The following KIAA1217 variants were observed in gnomAD, a reference collection of about 807,000 sequenced individuals.
KIAA1217 encodes the protein sickle tail protein homolog.
KIAA1217 carries 88 observed loss-of-function variants against 163.9 expected under a neutral mutation model. That is an observed-to-expected ratio of 0.54 (90% CI 0.45 to 0.64). The LOEUF (loss-of-function observed/expected upper bound fraction) is 0.64, where lower values mean the gene tolerates loss of function less well. Among genes scored for constraint, KIAA1217 ranks in the 30% least tolerant of loss-of-function variants. The pLI, the probability that KIAA1217 is intolerant of heterozygous loss-of-function variation, is 0.00. For missense variants in KIAA1217, 2,372 were observed against 2,475.0 expected (o/e 0.96, Z 0.88); for synonymous variants, 903 against 923.1 (o/e 0.98, Z 0.39).
chr10:24,376,218 T>C (rs2052470134), intron 2 of KIAA1217, among the ~76,000 whole-genome samples: 2 of 152,244 alleles, frequency 1.3e-5, no homozygotes, highest in South Asian at 4.1e-4. Flanking sequence ...CATATATCTA[T>C]GGAGCAGGTG....
At chr10:23,966,315 T>A (rs1845064837) in intron 1 of KIAA1217, among the ~76,000 whole-genome samples, 1 of 152,124 alleles carries the variant, frequency 6.6e-6, no homozygotes, top group South Asian at 2.1e-4. Flanking sequence ...GGAATTGAGA[T>A]TAATCTAAAA....
chr10:23,775,980 A>G (rs1158294133), intron 1 of KIAA1217, among the ~76,000 whole-genome samples: 1 of 152,358 alleles, frequency 6.6e-6, no homozygotes, highest in East Asian at 1.9e-4. Flanking sequence ...GTATCAGATA[A>G]TGTTATGAAA....
At chr10:24,430,208 AC>A (rs1420956330) in intron 3 of KIAA1217, among the ~76,000 whole-genome samples, 2 of 152,010 alleles carry the variant, frequency 1.3e-5, no homozygotes, top group African/African-American at 2.4e-5. Context: ...CCTAGAGAGG[AC>A]CCTCCAGTGT....
chr10:24,403,427 C>T (rs111420111), intron 3 of KIAA1217, among the ~76,000 whole-genome samples: 3,927 of 151,958 alleles, frequency 0.026, 195 homozygotes, highest in African/African-American at 0.091. Context: ...TTAGTAGAGA[C>T]GGGGTTTCAC....
At chr10:24,040,346 C>G (rs1368354404) in intron 2 of KIAA1217, among the ~76,000 whole-genome samples, 1 of 152,200 alleles carries the variant, frequency 6.6e-6, no homozygotes, top group Non-Finnish European at 1.5e-5. Context: ...CATTTGACAG[C>G]CTATAAAGTA....
At chr10:24,356,101 T>G (rs72776727) in intron 2 of KIAA1217, among the ~76,000 whole-genome samples, 1 of 152,256 alleles carries the variant, frequency 6.6e-6, no homozygotes, top group Non-Finnish European at 1.5e-5. Context: ...CTCTTTCTTT[T>G]GTGCATAACT....
chr10:24,521,680 G>T, intron 11 of KIAA1217, 102 bp from the exon 12 acceptor site: 1 of 1,406,396 alleles, frequency 7.1e-7, no homozygotes, highest in South Asian at 1.3e-5. Flanking sequence ...CCACCCTGTG[G>T]CTTGTGAACT....
At chr10:24,053,296 GT>G (rs1298800060) in intron 2 of KIAA1217, among the ~76,000 whole-genome samples, 4 of 152,038 alleles carry the variant, frequency 2.6e-5, no homozygotes, top group African/African-American at 9.6e-5. Context: ...GTATTTCTGG[GT>G]AATTCATATT....
intron 1 of KIAA1217, among the ~76,000 whole-genome samples, chr10:23,881,748 G>A (rs953882582): frequency 6.6e-6 from 1 of 151,930 alleles, no homozygotes; most frequent in Admixed American, 6.6e-5. Flanking sequence ...TGGATATGTT[G>A]CTCCATGCCT....
At chr10:24,194,525 GGT>G (rs2066892118) in intron 2 of KIAA1217, among the ~76,000 whole-genome samples, 1 of 151,062 alleles carries the variant, frequency 6.6e-6, no homozygotes, top group African/African-American at 2.4e-5. Context: ...TCCCAAACCA[GGT>G]GTGTCTACAG....
chr10:23,797,096 T>G (rs1836243024), intron 1 of KIAA1217, among the ~76,000 whole-genome samples: 1 of 152,120 alleles, frequency 6.6e-6, no homozygotes, highest in Non-Finnish European at 1.5e-5. Context: ...CCTCAAGCGA[T>G]CCCCCTGCTT....
At chr10:23,704,168 GTGTGTATATATATATATATA>G (rs1836703846) in intron 1 of KIAA1217, among the ~76,000 whole-genome samples, 2 of 63,282 alleles carry the variant, frequency 3.2e-5, no homozygotes, top group African/African-American at 2.2e-4. Context: ...GTGTGTGTGT[GTGTGTATATATATATATATA>G]TATATATATA....
At chr10:24,213,508 G>A (rs186899974) in intron 1 of KIAA1217, among the ~76,000 whole-genome samples, 190 of 152,164 alleles carry the variant, frequency 1.2e-3, no homozygotes, top group Middle Eastern at 3.4e-3. Context: ...CCCTTATCCC[G>A]TTTCATTCTT....
At chr10:23,761,265 A>G (rs764967722) in intron 1 of KIAA1217, among the ~76,000 whole-genome samples, 1 of 151,614 alleles carries the variant, frequency 6.6e-6, no homozygotes, top group African/African-American at 2.4e-5. Context: ...ACAAAAAACA[A>G]CCCTGATCTG....
At chr10:24,532,108 A>G (rs2073214083) in intron 15 of KIAA1217, 115 bp downstream of exon 15, 1 of 941,578 alleles carries the variant, frequency 1.1e-6, no homozygotes, top group Non-Finnish European at 1.4e-6. Flanking sequence ...TAACTCGACC[A>G]CACAAGATCC....
chr10:24,344,934 A>G (rs1452657473), intron 2 of KIAA1217, among the ~76,000 whole-genome samples: 3 of 152,320 alleles, frequency 2.0e-5, no homozygotes, highest in East Asian at 1.9e-4. Flanking sequence ...AGAGAATCCA[A>G]TATCAACCAT....
intron 3 of KIAA1217, among the ~76,000 whole-genome samples, chr10:24,404,053 G>T (rs2056886437): frequency 6.6e-6 from 1 of 152,004 alleles, no homozygotes; most frequent in African/African-American, 2.4e-5. Context: ...CATCTCCCAG[G>T]CTCAGGTGAT....
intron 1 of KIAA1217, among the ~76,000 whole-genome samples, chr10:23,828,187 A>G (rs1256915944): frequency 2.0e-5 from 3 of 152,186 alleles, no homozygotes; most frequent in Non-Finnish European, 4.4e-5. Context: ...CCAAACTCTG[A>G]AAATCTCCCC....
chr10:24,315,036 T>C (rs192822931), intron 2 of KIAA1217, among the ~76,000 whole-genome samples: 1 of 152,262 alleles, frequency 6.6e-6, no homozygotes, highest in Admixed American at 6.5e-5. Flanking sequence ...TCTTATCTTG[T>C]CTTGGTTCAG....
Sources: gnomAD v4.1 joint callset for allele counts (sites outside exome capture counted in the v4.1 genomes callset) on GRCh38, gnomAD v4.1.1 for gene constraint, MANE v1.5 for transcripts, NCBI Gene and HGNC (gene_info 2026-07-23, HGNC 2026-07-21) for gene names.